The following QSER1 variants were observed in gnomAD, a reference collection of about 807,000 sequenced individuals.
QSER1 encodes glutamine and serine-rich protein 1.
Under a neutral mutation model 158.5 loss-of-function variants are expected in QSER1, and 49 were observed. The observed-to-expected ratio is 0.31, with a 90% CI of 0.25 to 0.39. The LOEUF (loss-of-function observed/expected upper bound fraction) is 0.39. QSER1 is among the 10% of genes least tolerant of loss of function. The probability of loss-of-function intolerance (pLI) is 1.00; values close to 1 mark genes in which losing one functional copy is unlikely to be tolerated. For synonymous variants in QSER1, 650 were observed against 715.5 expected, an observed-to-expected ratio of 0.91 and a Z score of 1.46; for missense variants, 1,754 against 2,010.3, an observed-to-expected ratio of 0.87 and a Z score of 2.44.
chr11:32,954,997 A>G (rs1316748322), intron 5 of QSER1, among the ~76,000 whole-genome samples: 1 of 152,250 alleles, frequency 6.6e-6, no homozygotes, highest in Non-Finnish European at 1.5e-5. Flanking sequence ...ATACATAGTT[A>G]TAAAATTGCA....
In QSER1 at chr11:32,934,714, T is replaced by A. The variant is rs200456176; in HGVS notation, c.3456T>A (p.Ser1152Arg). The A allele has an allele frequency of 2.1e-4, 339 of 1,613,334 alleles. No individual in the cohort carries two copies. The highest frequency in any genetic ancestry group is 2.8e-4 in the Non-Finnish European group (326 of 1,179,808). The change falls in exon 4 of 13, where the codon AGT becomes AGA. Residue 1152 changes from serine to arginine, a missense_variant. Transcript: ENST00000650167. ...SISGENATSE[S>R]EFTLGGDDSG... ...GTGGAGAGAATGCTACATCAGAGAG[T>A]GAATTTACCTTAGGGGGTGACGACA...
rs772653395 is a variant in QSER1, at chr11:32,933,001, AGTT to A, written c.1747_1749del (p.Val583del). The A allele has an allele frequency of 6.2e-7, 1 of 1,612,420 alleles. No homozygotes were observed. Among genetic ancestry groups the A allele is most frequent in the South Asian group, 1.1e-5 (1 of 91,074 alleles). On this transcript the variant is annotated inframe_deletion, in exon 4 of 13. Transcript: ENST00000650167. ...ATTCATCTCAATCACAAGTTTTGTCAGTTGTTAGTCTTTCAGAAAGCTATGCTT... is the reference window on the plus strand; with the variant it reads ...ATTCATCTCAATCACAAGTTTTGTCAGTTAGTCTTTCAGAAAGCTATGCTT...
At position 32,945,536 on chromosome 11, in the gene QSER1, C is replaced by G. The variant is rs560785086; in HGVS notation, c.4178-8321C>G. 3.0e-3 allele frequency among the ~76,000 whole-genome samples: 452 copies of G among 152,230 alleles called. 1 individual carries two copies. Among genetic ancestry groups the G allele is most frequent in the Non-Finnish European group, 5.2e-3 (356 of 68,002 alleles). On this transcript the variant is annotated intron_variant, in intron 4 of 12. Transcript: ENST00000650167. Reference sequence around the variant, plus strand: ...GGTATGAAATTCTGGGTTGAAAATTCTTTTCTTTAAGAATGTTGAATATTG... The same window carrying G: ...GGTATGAAATTCTGGGTTGAAAATTGTTTTCTTTAAGAATGTTGAATATTG...
chr11:32,912,839 G>A (rs1851784940), intron 1 of QSER1, among the ~76,000 whole-genome samples: 1 of 152,160 alleles, frequency 6.6e-6, no homozygotes, highest in Non-Finnish European at 1.5e-5. Flanking sequence ...CTTGAGCCTG[G>A]AAGGTCACAC....
At chr11:32,972,032 T>C (rs4627042) in intron 10 of QSER1, among the ~76,000 whole-genome samples, 26,098 of 146,646 alleles carry the variant, frequency 0.18, 3,135 homozygotes, top group East Asian at 0.65. Context: ...CACTGCACTC[T>C]AGCCTGGATG....
chr11:32,935,255 G>C lies in QSER1; in HGVS notation c.3997G>C (p.Val1333Leu), dbSNP rs201406150. 320 of 1,613,814 alleles carry C rather than the reference G, an allele frequency of 2.0e-4. No homozygotes were observed. The highest frequency in any genetic ancestry group is 2.5e-4 in the Non-Finnish European group (296 of 1,179,962). ...KPSSTTPTPL[V>L]SETGGNSPSD... ...TTCATCTACAACACCCACACCTTTA[G>C]TGTCTGAAACTGGCGGTAACAGTCC... Residue 1333 changes from valine (V) to leucine (L), a missense_variant, in exon 4 of 13, where the codon GTG (valine) becomes CTG (leucine). Physicochemically the swap from Val to Leu is conservative, Grantham distance 32. Transcript: ENST00000650167.
intron 10 of QSER1, among the ~76,000 whole-genome samples, chr11:32,969,448 T>C (rs970082051): frequency 4.6e-5 from 7 of 152,138 alleles, no homozygotes; most frequent in Non-Finnish European, 8.8e-5. Context: ...TAGCTTTTCC[T>C]TAGCACAGTT....
chr11:32,935,711 T>C (rs1440733913), intron 4 of QSER1, among the ~76,000 whole-genome samples: 2 of 152,254 alleles, frequency 1.3e-5, no homozygotes, highest in African/African-American at 2.4e-5. Flanking sequence ...CTTGAGGTAA[T>C]TGAGGCACTG....
In QSER1 at chr11:32,920,047, T is replaced by C. The variant is rs192829027; in HGVS notation, c.210-7110T>C. Among the ~76,000 whole-genome samples, 78 of 152,304 alleles carry C rather than the reference T, an allele frequency of 5.1e-4. 1 individual carries two copies. Among genetic ancestry groups the C allele is most frequent in the Admixed American group, 1.2e-3 (18 of 15,292 alleles). ...TCTTGTATATTTCCTGCCCCAGTAC[T>C]AGAATCAGCCATTTCTCCAAGGAGC... On this transcript the variant is annotated intron_variant, in intron 1 of 12. Transcript: ENST00000650167.
At chr11:32,964,179 T>A (rs531989860) in intron 8 of QSER1, among the ~76,000 whole-genome samples, 1 of 152,206 alleles carries the variant, frequency 6.6e-6, no homozygotes, top group Non-Finnish European at 1.5e-5. Context: ...CTCACTATAT[T>A]GCCTGGGCTG....
Position 32,934,138 on chromosome 11 carries a change from A to AGTGTT in QSER1, c.2880_2881insGTGTT (p.Ser961ValfsTer22). ...CAAAGAATCAGTTTGTTTCTCTTGG[A>AGTGTT]TCGATGTGTTTCCCAGAGGCAGTGC... On this transcript the variant is annotated frameshift_variant, in exon 4 of 13. Coordinates refer to ENST00000650167, the MANE Select transcript of QSER1 (RefSeq NM_001076786.3). LOFTEE classifies it high-confidence loss of function. The AGTGTT allele has an allele frequency of 6.2e-7, 1 of 1,614,082 alleles. No individual in the cohort carries two copies. Among genetic ancestry groups the AGTGTT allele is most frequent in the Non-Finnish European group, 8.5e-7 (1 of 1,180,004 alleles).
rs201635674 is a variant in QSER1 at position 32,935,003 on chromosome 11, A to G, written c.3745A>G (p.Ser1249Gly). The G allele has an allele frequency of 1.4e-5, 23 of 1,614,030 alleles. No homozygotes were observed. In the South Asian group the frequency reaches 2.1e-4, roughly 15 times the overall value. The change falls in exon 4 of 13, where the codon AGC becomes GGC. Residue 1249 changes from serine (S) to glycine (G), a missense_variant. By Grantham distance (56) the Ser-to-Gly change is moderately conservative (BLOSUM62 0). Coordinates refer to ENST00000650167, the MANE Select transcript of QSER1 (RefSeq NM_001076786.3). ...ACCGTATACTCCTCCTTCCTCAGAA[A>G]GCTGCCATGATGGTTATCAGCATCA... ...YLPYTPPSSE[S>G]CHDGYQHQEK...
intron 1 of QSER1, among the ~76,000 whole-genome samples, chr11:32,920,027 T>C (rs1358089712): frequency 6.6e-6 from 1 of 152,192 alleles, no homozygotes; most frequent in African/African-American, 2.4e-5. Flanking sequence ...ACTCATCTTG[T>C]ATATTTCCTG....
chr11:32,977,061 G>C lies in QSER1; in HGVS notation c.*587G>C, dbSNP rs1442360297. The C allele has an allele frequency of 2.0e-5, 3 of 152,472 alleles. No homozygotes were observed. 9.4% of individuals were successfully genotyped at this position (152,472 alleles called of 1,614,324 possible). A position where few individuals can be genotyped will look rare whatever the true frequency, so the allele number is the denominator to read the frequency against. On this transcript the variant is annotated 3_prime_UTR_variant, in exon 13 of 13. Coordinates refer to ENST00000650167, the MANE Select transcript of QSER1 (RefSeq NM_001076786.3). Reference sequence around the variant, plus strand: ...TGTTCAGGAAACTGGATGTGGAATTGGTGCAATTCTCTGACTGCTTTTTGT... The same window carrying C: ...TGTTCAGGAAACTGGATGTGGAATTCGTGCAATTCTCTGACTGCTTTTTGT...
chr11:32,933,219 C>G lies in QSER1; in HGVS notation c.1961C>G (p.Ala654Gly). Reference protein sequence around the residue: ...FLPAVQSSSFASSTHCQTLQN... With the variant: ...FLPAVQSSSFGSSTHCQTLQN... ...CCTGCTGTCCAGTCATCATCTTTTG[C>G]ATCCTCTACTCATTGTCAGACATTA... Residue 654 changes from alanine to glycine, a missense_variant, in exon 4 of 13, where the codon GCA (alanine) becomes GGA (glycine). This residue lies in a region of QSER1 where 1,707 missense variants were observed against 1,919.6 expected (regional missense o/e 0.89). Transcript: ENST00000650167. 1 of 1,614,004 alleles carries G rather than the reference C, an allele frequency of 6.2e-7. No individual in the cohort carries two copies. The highest frequency in any genetic ancestry group is 8.5e-7 in the Non-Finnish European group (1 of 1,179,966).
chr11:32,922,723 G>A (rs963090604), intron 1 of QSER1, among the ~76,000 whole-genome samples: 2 of 151,720 alleles, frequency 1.3e-5, no homozygotes, highest in Admixed American at 1.3e-4. Context: ...GACTTCAAGC[G>A]ATCCACCCAC....
At position 32,930,943 on chromosome 11, in the gene QSER1, T is replaced by A. The variant is rs1288902196; in HGVS notation, c.485-800T>A. On this transcript the variant is annotated intron_variant, in intron 3 of 12. Coordinates refer to ENST00000650167, the MANE Select transcript of QSER1 (RefSeq NM_001076786.3). The stretch of plus-strand genomic sequence containing the variant: ...CTTTTCATGATAAACATGCATCTAT[T>A]ATGATTGGGAAGTTGTTCATAGGAA... Among the ~76,000 whole-genome samples, 3 of 152,342 alleles carry A rather than the reference T, an allele frequency of 2.0e-5. No homozygotes were observed. The East Asian group carries it at 5.8e-4, about 29-fold the overall frequency.
At chr11:32,910,586 A>G (rs754469039) in intron 1 of QSER1, among the ~76,000 whole-genome samples, 5 of 152,222 alleles carry the variant, frequency 3.3e-5, no homozygotes, top group Non-Finnish European at 5.9e-5. Flanking sequence ...TTTCACTCCT[A>G]CCTTTTGCAT....
chr11:32,952,789 A>C (rs927755760), intron 4 of QSER1, among the ~76,000 whole-genome samples: 1 of 116,914 alleles, frequency 8.6e-6, no homozygotes, highest in Admixed American at 8.2e-5. Flanking sequence ...CAGATTTTCT[A>C]TTTCTTCCCA....
Sources: allele counts gnomAD v4.1 joint callset (sites outside exome capture counted in the v4.1 genomes callset), GRCh38; gene constraint gnomAD v4.1.1; regional missense constraint gnomAD v4.1.1; transcripts MANE v1.5; gene names NCBI Gene and HGNC (gene_info 2026-07-23, HGNC 2026-07-21).